The following PPP2R1B variants were observed in gnomAD, a reference collection of about 807,000 sequenced individuals.
The protein encoded by PPP2R1B is protein phosphatase 2 scaffold subunit Abeta.
Under a neutral mutation model 72.7 loss-of-function variants are expected in PPP2R1B, and 58 were observed. The ratio of observed to expected loss-of-function variants is 0.80; its 90% confidence interval spans 0.65 to 0.99. PPP2R1B has a LOEUF of 0.99. PPP2R1B is among the 50% of genes least tolerant of loss of function. The pLI is 0.00. For missense variants in PPP2R1B, 695 were observed against 733.6 expected (o/e 0.95, Z 0.61); for synonymous variants, 256 against 264.6 (o/e 0.97, Z 0.32).
chr11:111,755,245 CTA>C (rs1309249224), intron 6 of PPP2R1B, 48 bp downstream of exon 6: 1 of 1,562,842 alleles, frequency 6.4e-7, no homozygotes, highest in Non-Finnish European at 8.6e-7. Flanking sequence ...AACAGCAAAT[CTA>C]TGTGTTTTCA....
At chr11:111,698,366 C>T in the PPP2R1B span, among the ~76,000 whole-genome samples, 1 of 152,176 alleles carries the variant, frequency 6.6e-6, no homozygotes, top group Non-Finnish European at 1.5e-5. Context: ...AGGCCTCTGT[C>T]CCATTCACTC....
chr11:111,709,363 G>A, the PPP2R1B span, among the ~76,000 whole-genome samples: 1 of 152,198 alleles, frequency 6.6e-6, no homozygotes, highest in Admixed American at 6.5e-5. Flanking sequence ...CATTAGTGGT[G>A]AGGGGCTCAA....
Position 111,740,062 on chromosome 11 carries a change from T to C in PPP2R1B, c.*1534A>G. 3.0e-6 allele frequency: 3 copies of C among 985,358 alleles called. No individual in the cohort carries two copies. The highest frequency in any genetic ancestry group is 3.6e-6 in the Non-Finnish European group (3 of 829,870). 61.0% of individuals were successfully genotyped at this position (985,358 alleles called of 1,614,324 possible). ...GGCCTTCACTAAACAGAACAGGACT[T>C]GTTAGATTTAAAAGAGGTTGTGAAC... On this transcript the variant is annotated 3_prime_UTR_variant, in exon 15 of 15. Transcript: ENST00000527614.
intron 15 of PPP2R1B, among the ~76,000 whole-genome samples, chr11:111,731,392 AG>A (rs1944187940): frequency 6.6e-6 from 1 of 152,348 alleles, no homozygotes; most frequent in Admixed American, 6.5e-5. Context: ...GCGCTCACAC[AG>A]TGCATTCCCT....
intron 12 of PPP2R1B, 73 bp downstream of exon 12, chr11:111,743,303 A>T: frequency 7.1e-7 from 1 of 1,411,174 alleles, no homozygotes; most frequent in African/African-American, 1.4e-5. Context: ...CAGTATACTG[A>T]TAATTCAGAA....
At chr11:111,728,058 TCA>T (rs1944033873) in intron 15 of PPP2R1B, 2 of 152,214 alleles carry the variant, frequency 1.3e-5, no homozygotes, top group Non-Finnish European at 2.9e-5. Flanking sequence ...GTGTGTCATT[TCA>T]CAGTCTCAGT....
chr11:111,709,763 G>A, the PPP2R1B span, among the ~76,000 whole-genome samples: 4 of 152,264 alleles, frequency 2.6e-5, no homozygotes, highest in South Asian at 8.3e-4. Flanking sequence ...TATTTCCTAG[G>A]AAGTGATTGT....
Position 111,740,604 on chromosome 11 carries a change from T to C in PPP2R1B, c.*992A>G, listed in dbSNP as rs1454777144. The C allele has an allele frequency of 1.1e-5, 11 of 985,116 alleles. No individual in the cohort carries two copies. The highest frequency in any genetic ancestry group is 1.7e-5 in the African/African-American group (1 of 57,230). The allele number at this position is 985,116 out of a possible 1,614,324, so 61.0% of individuals were successfully genotyped here. A position where few individuals can be genotyped will look rare whatever the true frequency, so the allele number is the denominator to read the frequency against. ...AATTAATGAGGTTTTACTGTAAAAG[T>C]AGAAAAGCAAACACTTCAAATGATA... On this transcript the variant is annotated 3_prime_UTR_variant, in exon 15 of 15. Coordinates refer to ENST00000527614, the MANE Select transcript of PPP2R1B (RefSeq NM_002716.5).
At chr11:111,743,733 G>A (rs1239284604) in intron 11 of PPP2R1B, among the ~76,000 whole-genome samples, 1 of 152,174 alleles carries the variant, frequency 6.6e-6, no homozygotes, top group Admixed American at 6.5e-5. Context: ...GGGATGCAAG[G>A]AGCTCACCAT....
At chr11:111,742,418 T>G in intron 13 of PPP2R1B, 105 bp downstream of exon 13, 1 of 1,292,998 alleles carries the variant, frequency 7.7e-7, no homozygotes, top group Non-Finnish European at 1.0e-6. Flanking sequence ...ACCCAGATCT[T>G]AAGTAAAGTG....
At chr11:111,760,101 C>T (rs1339748007) in intron 4 of PPP2R1B, 150 bp from the exon 5 acceptor site, 4 of 932,068 alleles carry the variant, frequency 4.3e-6, no homozygotes, top group East Asian at 5.5e-5. Context: ...AAAACATATT[C>T]AACTGGATAA....
At chr11:111,751,899 C>T (rs1044728940) in intron 10 of PPP2R1B, among the ~76,000 whole-genome samples, 3 of 152,298 alleles carry the variant, frequency 2.0e-5, no homozygotes, top group Admixed American at 6.5e-5. Context: ...ATCGCTTAAA[C>T]CCAGGAGGTG....
chr11:111,755,076 G>A lies in PPP2R1B; in HGVS notation c.862C>T (p.Pro288Ser). Residue 288 changes from proline (P) to serine (S), a missense_variant, in exon 7 of 15, where the codon CCT becomes TCT. Physicochemically the swap from Pro to Ser is moderately conservative, Grantham distance 74. Transcript: ENST00000527614. ...ATGAGGTCATTTAGGGTGATTTTAG[G>A]ACCCATGGCTTTCTGGAGCTATAAA... ...RFSELQKAMG[P>S]KITLNDLIPA... is the part of the protein sequence containing the mutation. 1 of 1,612,046 alleles carries A rather than the reference G, an allele frequency of 6.2e-7. No individual in the cohort carries two copies. The highest frequency in any genetic ancestry group is 8.5e-7 in the Non-Finnish European group (1 of 1,178,636).
chr11:111,688,157 T>C, the PPP2R1B span: 1 of 1,613,994 alleles, frequency 6.2e-7, no homozygotes, highest in Non-Finnish European at 8.5e-7. The surrounding 1 kb of genome is among the most constrained non-coding windows in gnomAD (Gnocchi z 4.2). Flanking sequence ...AATATCAAAA[T>C]AGCAGGTAAC....
At chr11:111,718,906 G>A in the PPP2R1B span, 1 of 152,280 alleles carries the variant, frequency 6.6e-6, no homozygotes, top group Non-Finnish European at 1.5e-5. Context: ...TTACCAGCCA[G>A]AACTTGCAAC....
the PPP2R1B span, among the ~76,000 whole-genome samples, chr11:111,690,883 A>C: frequency 6.6e-6 from 1 of 152,126 alleles, no homozygotes; most frequent in Non-Finnish European, 1.5e-5. Flanking sequence ...GGTTGGTTCC[A>C]AGTCTTTGCT....
chr11:111,737,362 C>T (rs1442719932), downstream of PPP2R1B: 1 of 1,593,416 alleles, frequency 6.3e-7, no homozygotes, highest in Non-Finnish European at 8.6e-7. Flanking sequence ...CTCCGCCTAC[C>T]CTGTGGCAGC....
At position 111,760,958 on chromosome 11, in the gene PPP2R1B, C is replaced by T. The variant is rs1457349857; in HGVS notation, c.400G>A (p.Val134Ile). ...GGTACAAAATAAGCTTCCAGAGCAA[C>T]AGGAGTATGCTCCTGGGAGATCTGT... The part of the protein sequence containing the change: ...LRQISQEHTP[V>I]ALEAYFVPLV... Residue 134 changes from valine (V) to isoleucine (I), a missense_variant, in exon 4 of 15, where the codon GTT becomes ATT. Val to Ile is a conservative substitution (Grantham distance 29). Coordinates refer to ENST00000527614, the MANE Select transcript of PPP2R1B (RefSeq NM_002716.5). The T allele has an allele frequency of 6.2e-7, 1 of 1,614,240 alleles. No homozygotes were observed. The highest frequency in any genetic ancestry group is 2.2e-5 in the East Asian group (1 of 44,890).
intron 15 of PPP2R1B, chr11:111,730,800 T>C (rs1384141973): frequency 6.6e-6 from 1 of 152,262 alleles, no homozygotes; most frequent in Non-Finnish European, 1.5e-5. Context: ...GAAAATGTAC[T>C]GTTTTTATGT....
Sources: gnomAD v4.1 joint callset for allele counts (sites outside exome capture counted in the v4.1 genomes callset) on GRCh38, gnomAD v4.1.1 for gene constraint, Gnocchi (gnomAD v3.1) non-coding constraint, MANE v1.5 for transcripts, NCBI Gene and HGNC (gene_info 2026-07-23, HGNC 2026-07-21) for gene names.